AKR1B1: variants seen among roughly 807,000 people sequenced by gnomAD.
The protein encoded by AKR1B1 is aldo-keto reductase family 1 member B1.
Under a neutral mutation model 40.4 loss-of-function variants are expected in AKR1B1, and 22 were observed. The ratio of observed to expected loss-of-function variants is 0.54; its 90% CI spans 0.39 to 0.78. The LOEUF (loss-of-function observed/expected upper bound fraction) is 0.78. AKR1B1 is among the 30% of genes least tolerant of loss of function. AKR1B1 has a pLI of 0.00. For synonymous variants in AKR1B1, 157 were observed against 149.9 expected, an observed-to-expected ratio of 1.05 and a Z score of -0.35; for missense variants, 357 against 396.7, an observed-to-expected ratio of 0.90 and a Z score of 0.85.
chr7:134,445,345 G>A, intron 8 of AKR1B1, 25 bp from the exon 9 acceptor site: 1 of 1,589,320 alleles, frequency 6.3e-7, no homozygotes, highest in Non-Finnish European at 8.6e-7. Flanking sequence ...AAAAAATCCA[G>A]TAAGCTCTGC....
chr7:134,443,482 T>C lies in AKR1B1; in HGVS notation c.909-712A>G, dbSNP rs187942300. Among the ~76,000 whole-genome samples, 3 of 151,896 alleles carry C rather than the reference T, an allele frequency of 2.0e-5. No individual in the cohort carries two copies. In the East Asian group the frequency reaches 5.8e-4, roughly 29 times the overall value. On this transcript the variant is annotated intron_variant, in intron 9 of 9. Transcript: ENST00000285930. ...AAAGGATAAGAGAAGCAACGGCAAG[T>C]GCTCTGAGGACAGAGGGAGCCTCCT...
rs190941373 is a variant in AKR1B1 at position 134,447,900 on chromosome 7, T to A, written c.741+80A>T. On this transcript the variant is annotated intron_variant, in intron 7 of 9. Coordinates refer to ENST00000285930, the MANE Select transcript of AKR1B1 (RefSeq NM_001628.4). ...TCCTGTGAGGGTGTAACAGGCTCAGTCACTTCCTCCTCTTGGCTAACAGGA... is the reference window on the plus strand; with the variant it reads ...TCCTGTGAGGGTGTAACAGGCTCAGACACTTCCTCCTCTTGGCTAACAGGA... 28 of 1,253,758 alleles carry A rather than the reference T, an allele frequency of 2.2e-5. No homozygotes were observed. The East Asian group carries it at 6.2e-4, about 28-fold the overall frequency. The allele number at this position is 1,253,758 out of a possible 1,614,324, so 77.7% of individuals were successfully genotyped here. A position where few individuals can be genotyped will look rare whatever the true frequency, so the allele number is the denominator to read the frequency against.
intron 2 of AKR1B1, 185 bp downstream of exon 2, chr7:134,451,401 T>C: frequency 1.4e-6 from 1 of 726,510 alleles, no homozygotes; most frequent in South Asian, 1.6e-5. Flanking sequence ...GGAATGACCA[T>C]TCAACAGAGA....
chr7:134,451,806 G>C, intron 1 of AKR1B1, 53 bp from the exon 2 acceptor site: 2 of 1,593,132 alleles, frequency 1.3e-6, no homozygotes, highest in Admixed American at 1.7e-5. Flanking sequence ...GCACAGCAAG[G>C]AGGAGGGGCA....
intron 9 of AKR1B1, among the ~76,000 whole-genome samples, chr7:134,443,749 C>CT (rs1371315186): frequency 2.0e-5 from 3 of 152,054 alleles, no homozygotes; most frequent in African/African-American, 7.2e-5. Flanking sequence ...GAGCTGGGTG[C>CT]TTACAGTCTG....
intron 2 of AKR1B1, chr7:134,451,319 C>T: frequency 1.8e-6 from 1 of 565,090 alleles, no homozygotes; most frequent in Non-Finnish European, 3.2e-6. Flanking sequence ...TTGAAAGCGA[C>T]TCCCTGGAAA....
intron 2 of AKR1B1, chr7:134,451,332 G>A: frequency 1.7e-6 from 1 of 579,504 alleles, no homozygotes; most frequent in Non-Finnish European, 3.1e-6. Context: ...CCTGGAAAGG[G>A]AGGGCCAATC....
chr7:134,451,705 C>T lies in AKR1B1; in HGVS notation c.115G>A (p.Gly39Arg), dbSNP rs201718247. 140 of 1,614,142 alleles carry T rather than the reference C, an allele frequency of 8.7e-5. No homozygotes were observed. The highest frequency in any genetic ancestry group is 1.1e-4 in the Non-Finnish European group (128 of 1,180,022). Residue 39 changes from glycine to arginine, a missense_variant, in exon 2 of 10, where the codon GGG becomes AGG. Physicochemically the swap from Gly to Arg is moderately radical, Grantham distance 125. Transcript: ENST00000285930. ...TEAVKVAIDV[G>R]YRHIDCAHVY... ...TGGGCACAGTCGATGTGGCGGTACC[C>T]GACGTCAATGGCCACCTTCACGGCC...
At position 134,449,133 on chromosome 7, in the gene AKR1B1, T is replaced by C. The variant is rs764859838; in HGVS notation, c.430-14A>G. 1.9e-6 allele frequency: 3 copies of C among 1,604,204 alleles called. No homozygotes were observed. Among genetic ancestry groups the C allele is most frequent in the Non-Finnish European group, 1.7e-6 (2 of 1,179,932 alleles). The stretch of plus-strand genomic sequence containing the variant: ...CTCTTCCATGGCCTACAGAGAAAAG[T>C]GTCTGTGTGGTGCAGAAACGAACCC... On this transcript the variant is annotated splice_polypyrimidine_tract_variant and intron_variant, in intron 4 of 9. Transcript: ENST00000285930.
At chr7:134,442,837 C>T (rs1004673121) in intron 9 of AKR1B1, 67 bp from the exon 10 acceptor site, 1 of 1,434,692 alleles carries the variant, frequency 7.0e-7, no homozygotes, top group African/African-American at 1.4e-5. Context: ...CAACTCCCAA[C>T]AGAGAAATGA....
chr7:134,455,731 C>T (rs1475821605), intron 1 of AKR1B1, among the ~76,000 whole-genome samples: 1 of 150,142 alleles, frequency 6.7e-6, no homozygotes, highest in East Asian at 1.9e-4. Context: ...TTACAGGCAC[C>T]CACCACCATG....
At chr7:134,451,522 T>C in intron 2 of AKR1B1, 64 bp downstream of exon 2, 1 of 1,595,192 alleles carries the variant, frequency 6.3e-7, no homozygotes, top group Non-Finnish European at 8.6e-7. Context: ...GACTTGGCTT[T>C]GGGCTGATGC....
Position 134,448,510 on chromosome 7 carries a change from A to G in AKR1B1, c.553-17T>C. The G allele has an allele frequency of 1.3e-6, 2 of 1,592,132 alleles. No individual in the cohort carries two copies. The highest frequency in any genetic ancestry group is 1.1e-5 in the South Asian group (1 of 90,528). ...GCACTCAATCTGCAAATGCAAAAACAAGAGCTGATGGGAGCACTGTGGCTA... is the reference window on the plus strand; with the variant it reads ...GCACTCAATCTGCAAATGCAAAAACGAGAGCTGATGGGAGCACTGTGGCTA... On this transcript the variant is annotated splice_polypyrimidine_tract_variant and intron_variant, in intron 5 of 9. Transcript: ENST00000285930.
intron 1 of AKR1B1, 153 bp from the exon 2 acceptor site, chr7:134,451,906 C>T (rs981621092): frequency 1.3e-6 from 1 of 789,978 alleles, no homozygotes; most frequent in Non-Finnish European, 2.1e-6. Flanking sequence ...TCTGGACTAT[C>T]AGCCTCAGAC....
rs546999666 is a variant in AKR1B1, at chr7:134,455,561, T to C, written c.66+3436A>G. Among the ~76,000 whole-genome samples the C allele has an allele frequency of 2.3e-3, 348 of 152,320 alleles. 3 individuals are homozygous for C. The highest frequency in any genetic ancestry group is 3.9e-3 in the Non-Finnish European group (265 of 68,026). On this transcript the variant is annotated intron_variant, in intron 1 of 9. Transcript: ENST00000285930. Reference sequence around the variant, plus strand: ...TTTTAAAAGCTTCCTGGCTTTACAATGCTGTGATGGGTTTTTGTTGTTGTT... The same window carrying C: ...TTTTAAAAGCTTCCTGGCTTTACAACGCTGTGATGGGTTTTTGTTGTTGTT...
intron 1 of AKR1B1, among the ~76,000 whole-genome samples, chr7:134,454,532 C>G (rs1298361180): frequency 6.6e-6 from 1 of 152,184 alleles, no homozygotes; most frequent in Non-Finnish European, 1.5e-5. Context: ...AGTCAAAAAG[C>G]AAGCCACAGT....
intron 8 of AKR1B1, 23 bp downstream of exon 8, chr7:134,447,275 G>A (rs1444349645): frequency 1.2e-6 from 2 of 1,609,312 alleles, no homozygotes; most frequent in Non-Finnish European, 1.7e-6. Flanking sequence ...AGGAGGGCCA[G>A]GCCTGACCAG....
At chr7:134,455,803 G>A (rs1301505919) in intron 1 of AKR1B1, among the ~76,000 whole-genome samples, 1 of 152,142 alleles carries the variant, frequency 6.6e-6, no homozygotes, top group Middle Eastern at 3.4e-3. Context: ...AGCTGGTCTC[G>A]AACTCCTGAC....
At chr7:134,447,815 T>C in intron 7 of AKR1B1, 165 bp downstream of exon 7, 1 of 724,026 alleles carries the variant, frequency 1.4e-6, no homozygotes, top group Admixed American at 2.0e-5. Context: ...CATGCCAGAG[T>C]CTTCTAAAAC....
Sources: gnomAD v4.1 joint callset for allele counts (sites outside exome capture counted in the v4.1 genomes callset) on GRCh38, gnomAD v4.1.1 for gene constraint, MANE v1.5 for transcripts, NCBI Gene and HGNC (gene_info 2026-07-23, HGNC 2026-07-21) for gene names.